The following IL27RA variants were observed in gnomAD, a reference collection of about 807,000 sequenced individuals.
IL27RA encodes interleukin-27 receptor subunit alpha.
A neutral mutation model predicts 80.8 loss-of-function variants in IL27RA; 61 were observed. The ratio of observed to expected loss-of-function variants is 0.76; its 90% CI spans 0.61 to 0.93. The LOEUF (loss-of-function observed/expected upper bound fraction) is 0.93. Ranked by LOEUF, IL27RA falls within the 40% of genes least tolerant of loss-of-function variation. The pLI is 0.00. For synonymous variants in IL27RA, 316 were observed against 332.5 expected (o/e 0.95, Z 0.54); for missense variants, 735 against 808.1 (o/e 0.91, Z 1.10).
At chr19:14,052,045 A>G in intron 13 of IL27RA, 51 bp from the exon 14 acceptor site, 1 of 1,547,690 alleles carries the variant, frequency 6.5e-7, no homozygotes, top group African/African-American at 1.4e-5. Context: ...GGAGGGGGTG[A>G]GGTGTGGGTC....
rs529793102 is a variant in IL27RA, at chr19:14,044,891, C to T, written c.769-1263C>T. On this transcript the variant is annotated intron_variant, in intron 6 of 13. Transcript: ENST00000263379. ...CTGTAATCCCAACACTTTGGGAGGC[C>T]GAGGCGGGTGGATCATAAGGTCAGG... Among the ~76,000 whole-genome samples the T allele has an allele frequency of 4.1e-3, 618 of 151,566 alleles. 5 individuals are homozygous for T. The highest frequency in any genetic ancestry group is 5.9e-3 in the Non-Finnish European group (400 of 67,916).
At chr19:14,035,699 G>A (rs933277911) in intron 2 of IL27RA, among the ~76,000 whole-genome samples, 3 of 152,028 alleles carry the variant, frequency 2.0e-5, no homozygotes, top group African/African-American at 7.2e-5. Flanking sequence ...CTGGCGGGGG[G>A]CCTAGTTTTA....
intron 4 of IL27RA, 32 bp downstream of exon 4, chr19:14,039,942 A>G (rs186420427): frequency 1.2e-4 from 195 of 1,605,958 alleles, no homozygotes; most frequent in Non-Finnish European, 1.4e-4. Flanking sequence ...TCCCCACCCT[A>G]TTCCGGGCGG....
At chr19:14,052,059 G>A in intron 13 of IL27RA, 37 bp from the exon 14 acceptor site, 5 of 1,600,222 alleles carry the variant, frequency 3.1e-6, no homozygotes, top group Non-Finnish European at 3.4e-6. Flanking sequence ...GTGGGTCGGG[G>A]AGGCTGGGGC....
intron 8 of IL27RA, among the ~76,000 whole-genome samples, chr19:14,047,974 TAA>T (rs932875276): frequency 7.3e-6 from 1 of 136,910 alleles, no homozygotes; most frequent in Non-Finnish European, 1.6e-5. Flanking sequence ...TTTTTTTTTT[TAA>T]GAGATGAGTC....
chr19:14,050,050 A>T (rs1004821791), intron 10 of IL27RA, among the ~76,000 whole-genome samples: 1 of 151,438 alleles, frequency 6.6e-6, no homozygotes, highest in Non-Finnish European at 1.5e-5. Flanking sequence ...TTAGCCAGGC[A>T]TGGTGGCACA....
In IL27RA at chr19:14,036,922, G is replaced by C. The variant is rs375548418; in HGVS notation, c.219-2586G>C. On this transcript the variant is annotated intron_variant, in intron 2 of 13. Coordinates refer to ENST00000263379, the MANE Select transcript of IL27RA (RefSeq NM_004843.4). ...GTGATCTCAGCTCACTGCAACCTCT[G>C]CCTCCAGGGTTCAAGCGATTCTCCT... is the stretch of plus-strand genomic sequence containing the variant. Among the ~76,000 whole-genome samples, 6 of 151,654 alleles carry C rather than the reference G, an allele frequency of 4.0e-5. No individual in the cohort carries two copies. The East Asian group carries it at 7.8e-4, about 20-fold the overall frequency.
chr19:14,045,177 C>T (rs1366298252), intron 6 of IL27RA, among the ~76,000 whole-genome samples: 1 of 150,004 alleles, frequency 6.7e-6, no homozygotes, highest in Non-Finnish European at 1.5e-5. Context: ...GTCCCAGCTA[C>T]TGGGGAGGCT....
Position 14,046,260 on chromosome 19 carries a change from G to T in IL27RA, c.875G>T (p.Gly292Val), listed in dbSNP as rs768774659. 1.2e-6 allele frequency: 2 copies of T among 1,614,148 alleles called. No homozygotes were observed. Among genetic ancestry groups the T allele is most frequent in the Admixed American group, 3.3e-5 (2 of 60,002 alleles). Residue 292 changes from glycine to valine, a missense_variant, in exon 7 of 14, where the codon GGG becomes GTG. Gly to Val is a moderately radical substitution (Grantham distance 109). Transcript: ENST00000263379. ...TGCTGCTGCTCCCTAATTCCCAGTG[G>T]GGCGGAGTGGGCCAGGGTGTCCGCT... ...ITCCCSLIPS[G>V]AEWARVSAVN...
intron 2 of IL27RA, among the ~76,000 whole-genome samples, chr19:14,037,573 A>G (rs1975922256): frequency 6.6e-6 from 1 of 151,636 alleles, no homozygotes; most frequent in Admixed American, 6.6e-5. Context: ...CTATTTGTTA[A>G]ACACACCAGG....
chr19:14,040,028 C>A, intron 4 of IL27RA, 118 bp downstream of exon 4: 1 of 1,026,908 alleles, frequency 9.7e-7, no homozygotes, highest in Non-Finnish European at 1.4e-6. Flanking sequence ...CTGTATGCCT[C>A]CCACTCAAAA....
At position 14,049,057 on chromosome 19, in the gene IL27RA, C is replaced by T. The variant is rs200586976; in HGVS notation, c.1218C>T (p.Ser406=). ...VSASGLASAS[S]VWGFREELAP... is the part of the protein sequence containing the mutation. ...CTTCAGGCTTGGCCTCTGCATCCTCCGTCTGGGGGTTCAGGGAGGAATTAG... is the reference window on the plus strand; with the variant it reads ...CTTCAGGCTTGGCCTCTGCATCCTCTGTCTGGGGGTTCAGGGAGGAATTAG... Residue 406 remains serine, a synonymous_variant, in exon 9 of 14, where the codon TCC becomes TCT. Transcript: ENST00000263379. 47 of 1,613,610 alleles carry T rather than the reference C, an allele frequency of 2.9e-5. No individual in the cohort carries two copies. The highest frequency in any genetic ancestry group is 5.0e-5 in the Admixed American group (3 of 59,854).
At position 14,052,163 on chromosome 19, in the gene IL27RA, C is replaced by T. The variant is rs778538124; in HGVS notation, c.1784C>T (p.Pro595Leu). Residue 595 changes from proline to leucine, a missense_variant, in exon 14 of 14, where the codon CCG becomes CTG. Pro to Leu is a moderately conservative substitution (Grantham distance 98, BLOSUM62 -3). Transcript: ENST00000263379. ...GAAGTGGAGGAGATGGAGCCCCCGC[C>T]GGTTATGGAGTCCTCCCAGCCCGCC... Reference protein sequence around the residue: ...ILEVEEMEPPPVMESSQPAQA... With the variant: ...ILEVEEMEPPLVMESSQPAQA... The T allele has an allele frequency of 1.5e-5, 25 of 1,613,174 alleles. No homozygotes were observed. The highest frequency in any genetic ancestry group is 6.7e-5 in the African/African-American group (5 of 74,904).
At chr19:14,046,718 C>A in intron 8 of IL27RA, 100 bp downstream of exon 8, 1 of 1,189,194 alleles carries the variant, frequency 8.4e-7, no homozygotes, top group Non-Finnish European at 1.2e-6. Flanking sequence ...GCGTGATGGC[C>A]GGGCTTGGTG....
At chr19:14,040,688 G>A (rs766403036) in intron 4 of IL27RA, among the ~76,000 whole-genome samples, 1 of 151,776 alleles carries the variant, frequency 6.6e-6, no homozygotes, top group Non-Finnish European at 1.5e-5. Context: ...TGGGCGTGCT[G>A]GTGGGTGCCT....
At position 14,042,450 on chromosome 19, in the gene IL27RA, C is replaced by G. The variant is rs778933266; in HGVS notation, c.535-3C>G. On this transcript the variant is annotated splice_polypyrimidine_tract_variant and splice_region_variant and intron_variant, in intron 4 of 13. Coordinates refer to ENST00000263379, the MANE Select transcript of IL27RA (RefSeq NM_004843.4). ...CCATCACGCTCGCCTGTCTCTCCCC[C>G]AGCTGGAACCGGAGCTGAAGACCAT... The G allele has an allele frequency of 1.2e-6, 2 of 1,613,500 alleles. No individual in the cohort carries two copies. Among genetic ancestry groups the G allele is most frequent in the Admixed American group, 1.7e-5 (1 of 59,934 alleles).
In IL27RA at chr19:14,052,108, G is replaced by C. The variant is rs776883768; in HGVS notation, c.1729G>C (p.Ala577Pro). The C allele has an allele frequency of 6.2e-7, 1 of 1,613,058 alleles. No homozygotes were observed. Among genetic ancestry groups the C allele is most frequent in the African/African-American group, 1.3e-5 (1 of 75,018 alleles). Residue 577 changes from alanine (A) to proline (P), a missense_variant, in exon 14 of 14, where the codon GCC (alanine) becomes CCC (proline). Physicochemically the swap from Ala to Pro is conservative, Grantham distance 27. Transcript: ENST00000263379. ...CATCTCTTCCCAGCAAGTACCTGAG[G>C]CCCAGCCCCTTGGGGACTTGCCCAT... is the stretch of plus-strand genomic sequence containing the variant. ...GQPHMEQVPE[A>P]QPLGDLPILE...
chr19:14,047,358 C>CTTTTTTTTT (rs146646872), intron 8 of IL27RA, among the ~76,000 whole-genome samples: 1 of 129,686 alleles, frequency 7.7e-6, no homozygotes, highest in African/African-American at 2.8e-5. Flanking sequence ...CCTAACTTTT[C>CTTTTTTTTT]TTTTTTTTTT....
chr19:14,037,629 G>A (rs1975923259), intron 2 of IL27RA, among the ~76,000 whole-genome samples: 1 of 152,022 alleles, frequency 6.6e-6, no homozygotes, highest in African/African-American at 2.4e-5. Flanking sequence ...TCCTCTTCCT[G>A]GAATGCTGTT....
Sources: allele counts gnomAD v4.1 joint callset (sites outside exome capture counted in the v4.1 genomes callset), GRCh38; gene constraint gnomAD v4.1.1; transcripts MANE v1.5; gene names NCBI Gene and HGNC (gene_info 2026-07-23, HGNC 2026-07-21).